MYRIP: variants seen among roughly 807,000 people sequenced by gnomAD.
MYRIP encodes rab effector MyRIP.
Under a neutral mutation model 98.0 loss-of-function variants are expected in MYRIP, and 49 were observed. The observed-to-expected ratio is 0.50, with a 90% CI of 0.40 to 0.63. MYRIP has a LOEUF of 0.63. Ranked by LOEUF, MYRIP falls within the 30% of genes least tolerant of loss-of-function variation. The pLI is 0.00. For missense variants in MYRIP, 1,004 were observed against 1,058.2 expected, an observed-to-expected ratio of 0.95 and a Z score of 0.71; for synonymous variants, 404 against 409.5, an observed-to-expected ratio of 0.99 and a Z score of 0.16.
At chr3:40,202,135 G>T (rs1290184944) in intron 10 of MYRIP, among the ~76,000 whole-genome samples, 1 of 150,822 alleles carries the variant, frequency 6.6e-6, no homozygotes, top group African/African-American at 2.4e-5. Context: ...TTGTTTTTTA[G>T]GTCAGGTTCA....
chr3:40,160,651 G>A (rs1313153767), intron 4 of MYRIP, among the ~76,000 whole-genome samples: 5 of 152,196 alleles, frequency 3.3e-5, no homozygotes, highest in South Asian at 4.2e-4. Context: ...GCGAGACTCC[G>A]TGGGCGTAGG....
At chr3:40,213,061 C>T (rs1024677337) in intron 11 of MYRIP, among the ~76,000 whole-genome samples, 2 of 152,216 alleles carry the variant, frequency 1.3e-5, no homozygotes, top group African/African-American at 4.8e-5. Flanking sequence ...TCTACCTCAC[C>T]TCCTAACTGG....
At chr3:40,087,332 T>G (rs1263656531) in intron 3 of MYRIP, among the ~76,000 whole-genome samples, 1 of 152,160 alleles carries the variant, frequency 6.6e-6, no homozygotes, top group African/African-American at 2.4e-5. Context: ...GGCTCAGCCC[T>G]GCCCCTGGCC....
intron 4 of MYRIP, among the ~76,000 whole-genome samples, chr3:40,161,950 G>C (rs896271014): frequency 2.6e-5 from 4 of 152,088 alleles, no homozygotes; most frequent in African/African-American, 9.7e-5. Flanking sequence ...GTGTCCCCAG[G>C]TCACCTCACC....
intron 16 of MYRIP, among the ~76,000 whole-genome samples, chr3:40,254,144 C>T (rs942917551): frequency 1.3e-5 from 2 of 152,120 alleles, no homozygotes; most frequent in Admixed American, 6.5e-5. Context: ...AGAAAAATAA[C>T]GAGACAAGTC....
At chr3:40,032,665 C>G (rs1262319031) in intron 2 of MYRIP, among the ~76,000 whole-genome samples, 3 of 152,070 alleles carry the variant, frequency 2.0e-5, no homozygotes, top group Non-Finnish European at 4.4e-5. Flanking sequence ...GGTACCATTC[C>G]TTCTGAAACT....
chr3:40,119,525 T>C lies in MYRIP; in HGVS notation c.333-31523T>C, dbSNP rs575901086. ...CCTCTGGAGACGGGAACTGGAGGTG[T>C]GGTGAACACAGGTGAGCAGGAGACT... On this transcript the variant is annotated intron_variant, in intron 3 of 16. Transcript: ENST00000302541. 2.6e-5 allele frequency among the ~76,000 whole-genome samples: 4 copies of C among 152,198 alleles called. No individual in the cohort carries two copies. The South Asian group carries it at 8.3e-4, about 32-fold the overall frequency.
intron 3 of MYRIP, among the ~76,000 whole-genome samples, chr3:40,072,540 G>A (rs905081030): frequency 6.6e-6 from 1 of 152,068 alleles, no homozygotes; most frequent in African/African-American, 2.4e-5. Flanking sequence ...GCTAAATACT[G>A]TTTTACTACA....
At chr3:40,134,112 A>T (rs1398178076) in intron 3 of MYRIP, among the ~76,000 whole-genome samples, 4 of 152,206 alleles carry the variant, frequency 2.6e-5, no homozygotes, top group Non-Finnish European at 5.9e-5. Flanking sequence ...AAGCGCAAGA[A>T]ATCAGGGAAT....
intron 2 of MYRIP, among the ~76,000 whole-genome samples, chr3:39,983,161 C>G (rs947710365): frequency 6.6e-6 from 1 of 152,196 alleles, no homozygotes; most frequent in Admixed American, 6.6e-5. Context: ...AAATGTCGGC[C>G]TGGATTACAT....
chr3:39,836,702 G>A (rs1941636819), intron 1 of MYRIP, among the ~76,000 whole-genome samples: 1 of 152,228 alleles, frequency 6.6e-6, no homozygotes, highest in Admixed American at 6.5e-5. Flanking sequence ...GGAGAGTCAT[G>A]TAAAGAATGG....
At chr3:39,917,260 A>G (rs892495862) in intron 2 of MYRIP, among the ~76,000 whole-genome samples, 2 of 151,790 alleles carry the variant, frequency 1.3e-5, no homozygotes, top group Non-Finnish European at 2.9e-5. Context: ...TTATGTAACA[A>G]GTCACTTCCT....
At chr3:40,062,637 T>C (rs1948042712) in intron 3 of MYRIP, among the ~76,000 whole-genome samples, 1 of 152,208 alleles carries the variant, frequency 6.6e-6, no homozygotes, top group South Asian at 2.1e-4. Flanking sequence ...AAATTGATTA[T>C]AAAATGACTG....
chr3:39,961,981 A>G (rs1945335418), intron 2 of MYRIP, among the ~76,000 whole-genome samples: 1 of 152,138 alleles, frequency 6.6e-6, no homozygotes, highest in African/African-American at 2.4e-5. Flanking sequence ...TGTTTCATGA[A>G]CAAAAGATGA....
At chr3:39,994,225 C>T (rs932790950) in intron 2 of MYRIP, among the ~76,000 whole-genome samples, 36 of 152,332 alleles carry the variant, frequency 2.4e-4, no homozygotes, top group African/African-American at 6.5e-4. Context: ...GAGCATGAGC[C>T]GAAGCAGGGC....
At chr3:39,904,513 G>A (rs910274379) in intron 2 of MYRIP, among the ~76,000 whole-genome samples, 2 of 152,172 alleles carry the variant, frequency 1.3e-5, no homozygotes, top group Non-Finnish European at 2.9e-5. Context: ...TGGGATTACA[G>A]CCATGAGCCA....
At chr3:40,164,085 G>C (rs148156355) in intron 5 of MYRIP, among the ~76,000 whole-genome samples, 2 of 152,050 alleles carry the variant, frequency 1.3e-5, no homozygotes, top group Non-Finnish European at 2.9e-5. Flanking sequence ...ACCCCAACTT[G>C]TCCTAGTCAA....
chr3:40,079,574 G>C (rs779927011), intron 3 of MYRIP, among the ~76,000 whole-genome samples: 6 of 152,164 alleles, frequency 3.9e-5, no homozygotes, highest in Non-Finnish European at 7.3e-5. Context: ...ACTTTTCCTC[G>C]TTGTACACAA....
chr3:39,876,031 T>C (rs1383813479), intron 1 of MYRIP, among the ~76,000 whole-genome samples: 1 of 152,174 alleles, frequency 6.6e-6, no homozygotes, highest in Admixed American at 6.5e-5. Flanking sequence ...GCTCCTGTAT[T>C]GGGTGCATAT....
Sources: gnomAD v4.1 joint callset for allele counts (sites outside exome capture counted in the v4.1 genomes callset) on GRCh38, gnomAD v4.1.1 for gene constraint, MANE v1.5 for transcripts, NCBI Gene and HGNC (gene_info 2026-07-23, HGNC 2026-07-21) for gene names.